SLC24A3: variants seen among roughly 807,000 people sequenced by gnomAD.
The protein encoded by SLC24A3 is sodium/potassium/calcium exchanger 3.
SLC24A3 carries 28 observed loss-of-function variants against 75.8 expected under a neutral mutation model. The observed-to-expected ratio is 0.37, with a 90% CI of 0.27 to 0.51. The LOEUF is 0.51. Ranked by LOEUF, SLC24A3 falls within the 20% of genes least tolerant of loss-of-function variation. SLC24A3 has a pLI of 0.94. For missense variants in SLC24A3, 663 were observed against 847.8 expected, an observed-to-expected ratio of 0.78 and a Z score of 2.71; for synonymous variants, 372 against 334.1, an observed-to-expected ratio of 1.11 and a Z score of -1.24.
At chr20:19,360,619 G>C (rs549991716) in intron 2 of SLC24A3, among the ~76,000 whole-genome samples, 4 of 152,332 alleles carry the variant, frequency 2.6e-5, no homozygotes, top group African/African-American at 9.6e-5. Context: ...ATCTTAACAT[G>C]TGGATATTAC....
At chr20:19,582,317 G>A (rs960412668) in intron 4 of SLC24A3, among the ~76,000 whole-genome samples, 5 of 152,202 alleles carry the variant, frequency 3.3e-5, no homozygotes, top group African/African-American at 9.7e-5. Context: ...GTTACTCGTA[G>A]ACTAAAACTG....
intron 3 of SLC24A3, among the ~76,000 whole-genome samples, chr20:19,576,545 C>T (rs1289209990): frequency 6.6e-6 from 1 of 152,138 alleles, no homozygotes; most frequent in Non-Finnish European, 1.5e-5. Flanking sequence ...TCTGGGTGCC[C>T]AGAGGTGCTA....
intron 1 of SLC24A3, chr20:19,242,597 A>C (rs1982361479): frequency 6.6e-6 from 1 of 152,228 alleles, no homozygotes; most frequent in African/African-American, 2.4e-5. Flanking sequence ...TAATTTAAAG[A>C]AATGGTTAAT....
At chr20:19,672,897 C>A (rs1301002964) in intron 8 of SLC24A3, among the ~76,000 whole-genome samples, 2 of 152,164 alleles carry the variant, frequency 1.3e-5, no homozygotes, top group Non-Finnish European at 2.9e-5. Flanking sequence ...AGTAACCTAC[C>A]ACTGAAGCCA....
intron 2 of SLC24A3, among the ~76,000 whole-genome samples, chr20:19,321,044 C>T (rs955900189): frequency 8.6e-5 from 13 of 151,956 alleles, no homozygotes; most frequent in Non-Finnish European, 1.8e-4. Flanking sequence ...TCTGTATCCA[C>T]GGTGAATTTG....
At chr20:19,297,024 A>T (rs1234809838) in intron 2 of SLC24A3, among the ~76,000 whole-genome samples, 1 of 152,174 alleles carries the variant, frequency 6.6e-6, no homozygotes, top group Non-Finnish European at 1.5e-5. Context: ...GAACATTTGG[A>T]AACATATAGA....
chr20:19,387,003 T>C (rs189788834), intron 2 of SLC24A3, among the ~76,000 whole-genome samples: 82 of 152,302 alleles, frequency 5.4e-4, no homozygotes, highest in African/African-American at 1.9e-3. Context: ...AATTTTTTGA[T>C]TACTGATTCA....
rs958696482 is a variant in SLC24A3, at chr20:19,637,361, G to A, written c.613-16701G>A. 2.6e-4 allele frequency among the ~76,000 whole-genome samples: 40 copies of A among 152,142 alleles called. 1 individual carries two copies. Among genetic ancestry groups the A allele is most frequent in the Non-Finnish European group, 5.9e-5 (4 of 68,020 alleles). ...TGGCTTCCAAAATGTAAAATATAAT[G>A]AAAAGGACCAAAATAGTGGAATTGA... On this transcript the variant is annotated intron_variant, in intron 6 of 16. Transcript: ENST00000328041.
At chr20:19,599,262 GA>G (rs1289479010) in intron 6 of SLC24A3, among the ~76,000 whole-genome samples, 2 of 152,224 alleles carry the variant, frequency 1.3e-5, no homozygotes, top group Non-Finnish European at 2.9e-5. Context: ...AAACAGGACA[GA>G]GGGGCTCCCG....
intron 3 of SLC24A3, among the ~76,000 whole-genome samples, chr20:19,549,717 G>A (rs1433763693): frequency 1.3e-5 from 2 of 152,208 alleles, no homozygotes; most frequent in East Asian, 3.9e-4. Context: ...CTGGGAGATA[G>A]AGGTTGCAGT....
chr20:19,290,013 C>T (rs1192478574), intron 2 of SLC24A3, among the ~76,000 whole-genome samples: 1 of 152,122 alleles, frequency 6.6e-6, no homozygotes, highest in Non-Finnish European at 1.5e-5. Context: ...CTGTTCTGCC[C>T]CCTTTTAAGC....
At chr20:19,672,671 G>C (rs1309924122) in intron 8 of SLC24A3, among the ~76,000 whole-genome samples, 2 of 152,108 alleles carry the variant, frequency 1.3e-5, no homozygotes, top group Non-Finnish European at 2.9e-5. Context: ...ATGAACCTAC[G>C]TATCATTTAT....
chr20:19,302,091 G>A (rs916498327), intron 2 of SLC24A3, among the ~76,000 whole-genome samples: 1 of 152,194 alleles, frequency 6.6e-6, no homozygotes, highest in African/African-American at 2.4e-5. Context: ...AGAAAGGGTA[G>A]GACATACAGG....
intron 2 of SLC24A3, among the ~76,000 whole-genome samples, chr20:19,327,797 A>G (rs547051350): frequency 1.3e-5 from 2 of 152,140 alleles, no homozygotes; most frequent in Non-Finnish European, 2.9e-5. Context: ...GCGTTCATTC[A>G]TTCAATGTAT....
intron 1 of SLC24A3, among the ~76,000 whole-genome samples, chr20:19,278,899 T>C (rs560997286): frequency 2.6e-5 from 4 of 152,338 alleles, no homozygotes; most frequent in Admixed American, 6.5e-5. Context: ...GCTACTGATA[T>C]TATGTGCATC....
intron 3 of SLC24A3, among the ~76,000 whole-genome samples, chr20:19,551,466 T>C (rs2030692535): frequency 6.6e-6 from 1 of 152,202 alleles, no homozygotes; most frequent in Admixed American, 6.5e-5. Flanking sequence ...ACAGAAGTGG[T>C]ATTTTAAATG....
At chr20:19,374,063 C>A (rs1324675274) in intron 2 of SLC24A3, among the ~76,000 whole-genome samples, 1 of 152,144 alleles carries the variant, frequency 6.6e-6, no homozygotes, top group Non-Finnish European at 1.5e-5. Context: ...TACTTGAATG[C>A]CAAATGCCTT....
chr20:19,720,424 G>A (rs978310225), intron 16 of SLC24A3, among the ~76,000 whole-genome samples: 11 of 152,316 alleles, frequency 7.2e-5, no homozygotes, highest in South Asian at 4.1e-4. Flanking sequence ...GGGTTACATC[G>A]TTGGCTGCAA....
intron 12 of SLC24A3, among the ~76,000 whole-genome samples, chr20:19,686,914 C>G (rs544768749): frequency 5.9e-5 from 9 of 152,240 alleles, no homozygotes; most frequent in Non-Finnish European, 1.0e-4. Flanking sequence ...TTGCCACCAT[C>G]AGATATATTT....
Sources: allele counts gnomAD v4.1 joint callset (sites outside exome capture counted in the v4.1 genomes callset), GRCh38; gene constraint gnomAD v4.1.1; transcripts MANE v1.5; gene names NCBI Gene and HGNC (gene_info 2026-07-23, HGNC 2026-07-21).